Variants in HERC2 observed in about 807,000 individuals in gnomAD.
The protein encoded by HERC2 is E3 ubiquitin-protein ligase HERC2.
HERC2 carries 102 observed loss-of-function variants against 537.7 expected under a neutral mutation model. The ratio of observed to expected loss-of-function variants is 0.19; its 90% CI spans 0.16 to 0.22. The LOEUF is 0.22. Among genes scored for constraint, HERC2 ranks in the 10% least tolerant of loss-of-function variants. HERC2 has a pLI of 1.00. For synonymous variants in HERC2, 2,224 were observed against 2,466.2 expected (o/e 0.90, Z 2.91); for missense variants, 4,236 against 6,198.2 (o/e 0.68, Z 10.63).
chr15:28,115,572 C>T, intron 88 of HERC2, 31 bp from the exon 89 acceptor site: 1 of 1,546,744 alleles, frequency 6.5e-7, no homozygotes, highest in Non-Finnish European at 8.9e-7. Flanking sequence ...TGACAGAGGA[C>T]ACTTCAAAAG....
At chr15:28,146,074 A>AG (rs1164669392) in intron 71 of HERC2, among the ~76,000 whole-genome samples, 163 bp downstream of exon 71, 8 of 152,222 alleles carry the variant, frequency 5.3e-5, no homozygotes, top group African/African-American at 7.2e-5. Flanking sequence ...TATGGGAAAG[A>AG]GGCAAGCAAA....
intron 83 of HERC2, among the ~76,000 whole-genome samples, chr15:28,125,664 TTTTA>T (rs1889398167): frequency 1.3e-5 from 2 of 152,200 alleles, no homozygotes; most frequent in Admixed American, 1.3e-4. Context: ...AAAAAGTCTG[TTTTA>T]TTTATTTTAT....
chr15:28,230,868 C>A (rs575082208), intron 30 of HERC2, among the ~76,000 whole-genome samples: 1 of 152,088 alleles, frequency 6.6e-6, no homozygotes, highest in Admixed American at 6.5e-5. Context: ...GGCTGTGCTC[C>A]TGTAAAACTT....
intron 20 of HERC2, among the ~76,000 whole-genome samples, chr15:28,251,404 C>T (rs2075074869): frequency 6.6e-6 from 1 of 150,544 alleles, no homozygotes; most frequent in South Asian, 2.1e-4. Context: ...GATCGTGCCA[C>T]TGCACTCCAG....
chr15:28,152,487 G>C (rs1340046091), intron 70 of HERC2, among the ~76,000 whole-genome samples, 190 bp downstream of exon 70: 1 of 152,226 alleles, frequency 6.6e-6, no homozygotes, highest in Non-Finnish European at 1.5e-5. Context: ...TTTACTTTGT[G>C]TGACTTTCTA....
intron 85 of HERC2, among the ~76,000 whole-genome samples, chr15:28,121,800 A>AG (rs1294936983): frequency 6.6e-6 from 1 of 152,246 alleles, no homozygotes; most frequent in Non-Finnish European, 1.5e-5. Context: ...CTGCCAAGCA[A>AG]GCCCACCCGT....
At chr15:28,214,983 C>G (rs1899730222) in intron 39 of HERC2, among the ~76,000 whole-genome samples, 181 bp from the exon 40 acceptor site, 1 of 152,178 alleles carries the variant, frequency 6.6e-6, no homozygotes, top group Admixed American at 6.5e-5. Context: ...AAACGATTCT[C>G]CTTGCTTCAG....
chr15:28,278,297 C>A lies in HERC2; in HGVS notation c.542+1771G>T, dbSNP rs151195958. On this transcript the variant is annotated intron_variant, in intron 5 of 92. Transcript: ENST00000261609. The stretch of plus-strand genomic sequence containing the variant: ...ACTTGGGAGGCTGAGGTGGGAGAAT[C>A]ACTTGAGCCCAGGAGGTCAAAGCTG... Among the ~76,000 whole-genome samples, 196 of 152,042 alleles carry A rather than the reference C, an allele frequency of 1.3e-3. 1 individual carries two copies. Among genetic ancestry groups the A allele is most frequent in the African/African-American group, 4.5e-3 (185 of 41,490 alleles).
At chr15:28,144,961 T>A (rs1019016214) in intron 71 of HERC2, among the ~76,000 whole-genome samples, 157 bp from the exon 72 acceptor site, 1 of 152,100 alleles carries the variant, frequency 6.6e-6, no homozygotes, top group African/African-American at 2.4e-5. Flanking sequence ...GACACAACAC[T>A]CTTGGGATTC....
At chr15:28,170,123 C>T (rs1336422764) in intron 65 of HERC2, among the ~76,000 whole-genome samples, 3 of 152,336 alleles carry the variant, frequency 2.0e-5, no homozygotes, top group Admixed American at 1.3e-4. Flanking sequence ...TCTATGTCAA[C>T]TCATCCAAAT....
At position 28,130,488 on chromosome 15, in the gene HERC2, CAG is replaced by C. The variant is rs760714105; in HGVS notation, c.12662+13_12662+14del. ...TCTGGTTTTAGTGGGTTTAAACAAA[CAG>C]AATCTTGCGTACCAGGTATAAACAG... On this transcript the variant is annotated intron_variant, in intron 82 of 92. Transcript: ENST00000261609. 3.7e-6 allele frequency: 6 copies of C among 1,611,528 alleles called. No individual in the cohort carries two copies. In the East Asian group the frequency reaches 6.7e-5, roughly 18 times the overall value.
intron 2 of HERC2, among the ~76,000 whole-genome samples, chr15:28,306,038 G>A (rs2076778155): frequency 6.6e-6 from 1 of 152,182 alleles, no homozygotes; most frequent in South Asian, 2.1e-4. Context: ...ACAGGTGCTG[G>A]AGAGGATGTG....
intron 43 of HERC2, among the ~76,000 whole-genome samples, chr15:28,212,209 G>A (rs540761948): frequency 1.3e-5 from 2 of 152,330 alleles, no homozygotes; most frequent in East Asian, 3.9e-4. Flanking sequence ...ACGGAGAAGA[G>A]GGTGTGAGCC....
At chr15:28,114,838 C>CA in intron 89 of HERC2, 36 bp from the exon 90 acceptor site, 1 of 1,575,816 alleles carries the variant, frequency 6.3e-7, no homozygotes, top group Non-Finnish European at 8.7e-7. Flanking sequence ...TGTGTCGACT[C>CA]ACGGCTCATC....
At chr15:28,254,157 C>T (rs2075177369) in intron 20 of HERC2, among the ~76,000 whole-genome samples, 183 bp downstream of exon 20, 1 of 152,028 alleles carries the variant, frequency 6.6e-6, no homozygotes, top group Admixed American at 6.6e-5. Context: ...GTGGCACACA[C>T]CTGTAATCCC....
chr15:28,304,269 T>C (rs2076718315), intron 2 of HERC2, among the ~76,000 whole-genome samples: 1 of 151,968 alleles, frequency 6.6e-6, no homozygotes, highest in Admixed American at 6.6e-5. Context: ...CTAATCATTT[T>C]TTGGTGGAGT....
chr15:28,253,463 A>G (rs1221118209), intron 20 of HERC2, among the ~76,000 whole-genome samples: 13 of 152,194 alleles, frequency 8.5e-5, no homozygotes, highest in East Asian at 3.8e-4. Context: ...TTTACTGCAC[A>G]CCGCAATTTC....
Position 28,206,988 on chromosome 15 carries a change from T to C in HERC2, c.7070-606A>G, listed in dbSNP as rs1446469312. 9.3e-5 allele frequency among the ~76,000 whole-genome samples: 14 copies of C among 150,518 alleles called. No homozygotes were observed. In the East Asian group the frequency reaches 9.9e-4, roughly 11 times the overall value. ...ATCACACCACCATACTCCAGCCTGG[T>C]GACAGAGCGAGACTCCATCTCAAAA... On this transcript the variant is annotated intron_variant, in intron 44 of 92. Coordinates refer to ENST00000261609, the MANE Select transcript of HERC2 (RefSeq NM_004667.6).
chr15:28,121,529 C>T (rs1320381107), intron 85 of HERC2, 100 bp from the exon 86 acceptor site: 6 of 973,696 alleles, frequency 6.2e-6, no homozygotes, highest in East Asian at 2.5e-5. Flanking sequence ...TGTTGAAGAC[C>T]TTCTTAAGGA....
Sources: allele counts gnomAD v4.1 joint callset (sites outside exome capture counted in the v4.1 genomes callset), GRCh38; gene constraint gnomAD v4.1.1; transcripts MANE v1.5; gene names NCBI Gene and HGNC (gene_info 2026-07-23, HGNC 2026-07-21).